The following DGKK variants were observed in gnomAD, a reference collection of about 807,000 sequenced individuals.
The protein encoded by DGKK is 142 kDa diacylglycerol kinase.
A neutral mutation model predicts 92.2 loss-of-function variants in DGKK; 35 were observed. That is an observed-to-expected ratio of 0.38 (90% CI 0.29 to 0.50). The LOEUF (loss-of-function observed/expected upper bound fraction) is 0.50. DGKK is among the 20% of genes least tolerant of loss of function. DGKK has a pLI of 0.92. For synonymous variants in DGKK, 368 were observed against 360.6 expected (o/e 1.02, Z -0.23); for missense variants, 910 against 992.2 (o/e 0.92, Z 1.11).
At chrX:50,447,033 A>C (rs1926325525) in intron 1 of DGKK, among the ~76,000 whole-genome samples, 2 of 107,450 alleles carry the variant, frequency 1.9e-5, no homozygotes, top group African/African-American at 6.7e-5. Context: ...CCTAGAGCTG[A>C]ATATAATACT....
intron 3 of DGKK, among the ~76,000 whole-genome samples, chrX:50,421,975 C>G (rs1012095012): frequency 3.6e-5 from 4 of 111,981 alleles, no homozygotes; most frequent in Admixed American, 9.4e-5. Flanking sequence ...ACACAAAGCC[C>G]TAGACACTTC....
At chrX:50,443,887 C>A (rs1365121547) in intron 1 of DGKK, among the ~76,000 whole-genome samples, 1 of 110,790 alleles carries the variant, frequency 9.0e-6, no homozygotes, top group Non-Finnish European at 1.9e-5. Context: ...TAATCCCTGG[C>A]AACCACAAAT....
In DGKK at chrX:50,386,505, C is replaced by T. The variant is rs1602271261; in HGVS notation, c.2200G>A (p.Ala734Thr). 9.1e-6 allele frequency: 11 copies of T among 1,211,124 alleles called. No individual in the cohort carries two copies. The East Asian group carries it at 3.3e-4, about 36-fold the overall frequency. ...EAAATSAEKS[A>T]TEYADSSKAD... The stretch of plus-strand genomic sequence containing the variant: ...TTGCTGCTGTCTGCATATTCTGTAG[C>T]ACTTTTTTCAGCAGAAGTAGCTGCT... The change falls in exon 15 of 28, where the codon GCT (alanine) becomes ACT (threonine). Residue 734 changes from alanine to threonine, a missense_variant. Physicochemically the swap from Ala to Thr is moderately conservative, Grantham distance 58. Coordinates refer to ENST00000611977, the MANE Select transcript of DGKK (RefSeq NM_001013742.4).
chrX:50,434,374 G>T (rs939485741), intron 1 of DGKK, among the ~76,000 whole-genome samples: 1 of 112,082 alleles, frequency 8.9e-6, no homozygotes, highest in East Asian at 2.8e-4. Flanking sequence ...GGCTCAGAGA[G>T]GTTAAGTGTC....
intron 17 of DGKK, among the ~76,000 whole-genome samples, chrX:50,383,185 G>A (rs1470610753): frequency 8.9e-6 from 1 of 112,038 alleles, no homozygotes; most frequent in Non-Finnish European, 1.9e-5. Context: ...GTTGGCACCA[G>A]CTCATGTAAA....
intron 4 of DGKK, among the ~76,000 whole-genome samples, chrX:50,413,063 G>C (rs1418857706): frequency 9.0e-6 from 1 of 111,017 alleles, no homozygotes; most frequent in Non-Finnish European, 1.9e-5. Flanking sequence ...ACTAATGCCT[G>C]ATGATCTGAG....
In DGKK at chrX:50,429,676, A is replaced by G. The variant is rs782673308; in HGVS notation, c.646-5318T>C. On this transcript the variant is annotated intron_variant, in intron 1 of 27. Coordinates refer to ENST00000611977, the MANE Select transcript of DGKK (RefSeq NM_001013742.4). ...TGCACTCCAGCCTGGAAGACAGCGC[A>G]AGACTCCGTCACACACACAAAAAAG... Among the ~76,000 whole-genome samples, 91 of 112,529 alleles carry G rather than the reference A, an allele frequency of 8.1e-4. 1 individual carries two copies. Among genetic ancestry groups the G allele is most frequent in the African/African-American group, 2.7e-3 (85 of 31,019 alleles).
At chrX:50,398,347 C>T (rs1444670264) in intron 8 of DGKK, among the ~76,000 whole-genome samples, 1 of 111,975 alleles carries the variant, frequency 8.9e-6, no homozygotes, top group African/African-American at 3.3e-5. Flanking sequence ...GGCATAAAGC[C>T]ACAGCCAAGA....
chrX:50,372,806 G>T (rs917968335), intron 25 of DGKK, among the ~76,000 whole-genome samples: 2 of 112,060 alleles, frequency 1.8e-5, no homozygotes, highest in Non-Finnish European at 3.8e-5. Flanking sequence ...GAACAGATGG[G>T]CAAAGATATC....
intron 1 of DGKK, among the ~76,000 whole-genome samples, chrX:50,428,911 C>A (rs1227351121): frequency 2.7e-5 from 3 of 112,140 alleles, no homozygotes. Context: ...CAGGCAGAAG[C>A]TAAAAATCCA....
rs1296483884 is a variant in DGKK, at chrX:50,456,660, A to AATC, written c.645+13371_645+13373dup. On this transcript the variant is annotated intron_variant, in intron 1 of 27. Transcript: ENST00000611977. ...GATTTTTTTAAGAACTGGGGAGATA[A>AATC]ATCATCATTCTCATTTTTATTAAAA... Among the ~76,000 whole-genome samples the AATC allele has an allele frequency of 4.5e-5, 5 of 111,691 alleles. No individual in the cohort carries two copies. In the East Asian group the frequency reaches 1.4e-3, roughly 32 times the overall value.
intron 1 of DGKK, among the ~76,000 whole-genome samples, chrX:50,426,318 TTACCCTTAAAGAACC>T (rs1260429357): frequency 8.9e-6 from 1 of 111,783 alleles, no homozygotes; most frequent in African/African-American, 3.3e-5. Context: ...TGAGAAGCAC[TTACCCTTAAAGAACC>T]TATTTTTCAG....
chrX:50,402,922 T>C (rs1435140449), intron 7 of DGKK, 139 bp downstream of exon 7: 2 of 854,966 alleles, frequency 2.3e-6, no homozygotes, highest in African/African-American at 4.2e-5. Flanking sequence ...ATACTAAGAT[T>C]TATACTATGG....
chrX:50,372,766 G>A (rs1470257571), intron 25 of DGKK, among the ~76,000 whole-genome samples: 1 of 112,420 alleles, frequency 8.9e-6, no homozygotes, highest in African/African-American at 3.2e-5. Flanking sequence ...AGGTGAGATG[G>A]TTCACATTCC....
intron 4 of DGKK, among the ~76,000 whole-genome samples, chrX:50,408,254 G>T (rs1925208992): frequency 1.8e-5 from 2 of 112,502 alleles, no homozygotes; most frequent in South Asian, 7.4e-4. Context: ...AAGAGAGTAG[G>T]GTTAGAGAAC....
intron 1 of DGKK, among the ~76,000 whole-genome samples, chrX:50,460,915 T>TA (rs1239982767): frequency 1.8e-5 from 2 of 108,284 alleles, no homozygotes; most frequent in African/African-American, 6.8e-5. Context: ...TTTTTTGGCA[T>TA]ATAGTTAAAA....
chrX:50,428,200 T>TTAC (rs1557229910), intron 1 of DGKK, among the ~76,000 whole-genome samples: 1 of 109,090 alleles, frequency 9.2e-6, no homozygotes, highest in South Asian at 4.0e-4. Context: ...TAATAAATTA[T>TTAC]TATTATTATT....
chrX:50,415,072 C>T (rs1196157175), intron 4 of DGKK, among the ~76,000 whole-genome samples: 6 of 111,909 alleles, frequency 5.4e-5, no homozygotes, highest in Non-Finnish European at 1.1e-4. Context: ...GAAACCAATG[C>T]CCAGCAGAGC....
intron 1 of DGKK, among the ~76,000 whole-genome samples, chrX:50,431,786 C>T (rs1208584333): frequency 8.9e-6 from 1 of 111,914 alleles, no homozygotes; most frequent in African/African-American, 3.2e-5. Flanking sequence ...CCCACTGCTC[C>T]ACTGAAAGCT....
Sources: gnomAD v4.1 joint callset for allele counts (sites outside exome capture counted in the v4.1 genomes callset) on GRCh38, gnomAD v4.1.1 for gene constraint, MANE v1.5 for transcripts, NCBI Gene and HGNC (gene_info 2026-07-23, HGNC 2026-07-21) for gene names.